MACROD2: variants seen among roughly 807,000 people sequenced by gnomAD.
MACROD2 encodes the protein mono-ADP ribosylhydrolase 2.
MACROD2 carries 36 observed loss-of-function variants against 70.4 expected under a neutral mutation model. That is an observed-to-expected ratio of 0.51 (90% CI 0.39 to 0.68). The LOEUF (loss-of-function observed/expected upper bound fraction) is 0.68, where lower values mean the gene tolerates loss of function less well. Ranked by LOEUF, MACROD2 falls within the 30% of genes least tolerant of loss-of-function variation. MACROD2 has a pLI of 0.00. For synonymous variants in MACROD2, 172 were observed against 178.8 expected (o/e 0.96, Z 0.30); for missense variants, 496 against 538.4 (o/e 0.92, Z 0.78).
chr20:15,073,702 G>A (rs977081337), intron 5 of MACROD2, among the ~76,000 whole-genome samples: 4 of 152,098 alleles, frequency 2.6e-5, no homozygotes, highest in Non-Finnish European at 4.4e-5. Context: ...CATTCAACAG[G>A]ACTGAAACAA....
chr20:14,001,161 G>T (rs898953974), intron 1 of MACROD2, among the ~76,000 whole-genome samples: 1 of 152,180 alleles, frequency 6.6e-6, no homozygotes, highest in Middle Eastern at 3.4e-3. Context: ...TTTAATTTTG[G>T]CTCACTTCCT....
intron 3 of MACROD2, among the ~76,000 whole-genome samples, chr20:14,212,761 A>G (rs1008859561): frequency 1.3e-5 from 2 of 151,302 alleles, no homozygotes; most frequent in Non-Finnish European, 2.9e-5. Flanking sequence ...AGTAAATATA[A>G]ATTATCTAGT....
At chr20:15,844,240 G>A (rs1013572970) in intron 8 of MACROD2, among the ~76,000 whole-genome samples, 3 of 152,028 alleles carry the variant, frequency 2.0e-5, no homozygotes, top group Non-Finnish European at 4.4e-5. Context: ...GAGCAGGTCT[G>A]CCAAGAGTTA....
At chr20:15,934,691 T>A (rs904568335) in intron 11 of MACROD2, among the ~76,000 whole-genome samples, 2 of 149,514 alleles carry the variant, frequency 1.3e-5, no homozygotes, top group South Asian at 4.2e-4. Flanking sequence ...TTTTTGTTTT[T>A]TGTTTTGTTT....
chr20:15,788,651 G>C (rs1014668485), intron 8 of MACROD2, among the ~76,000 whole-genome samples: 1 of 152,126 alleles, frequency 6.6e-6, no homozygotes, highest in Non-Finnish European at 1.5e-5. Context: ...TGAAGGAAAA[G>C]ATATGCATTA....
chr20:15,117,034 G>C (rs2123236796), intron 5 of MACROD2, among the ~76,000 whole-genome samples: 1 of 152,108 alleles, frequency 6.6e-6, no homozygotes, highest in East Asian at 1.9e-4. Flanking sequence ...TTGTAATTAA[G>C]GTATTTTTCA....
At position 16,044,649 on chromosome 20, in the gene MACROD2, CCCTTGTG is replaced by C. The variant is rs1177826182; in HGVS notation, c.1300+11_1300+17del. ...GAAGATCAACTAATAGGTAAGATGC[CCCTTGTG>C]GTGAGATTTTCAATGATCAACCAGC... On this transcript the variant is annotated intron_variant, in intron 17 of 17. Coordinates refer to ENST00000684519, the MANE Select transcript of MACROD2 (RefSeq NM_001351661.2). 5.6e-6 allele frequency: 9 copies of C among 1,606,890 alleles called. No homozygotes were observed. The African/African-American group carries it at 8.0e-5, about 14-fold the overall frequency.
intron 8 of MACROD2, among the ~76,000 whole-genome samples, chr20:15,659,856 C>G (rs2049793912): frequency 6.6e-6 from 1 of 152,114 alleles, no homozygotes; most frequent in African/African-American, 2.4e-5. Context: ...TGAGGGAGGC[C>G]TTCCTTAACT....
At chr20:15,625,903 C>CAAAAAAAAAAAA (rs11290779) in intron 8 of MACROD2, among the ~76,000 whole-genome samples, 1 of 75,642 alleles carries the variant, frequency 1.3e-5, no homozygotes, top group Non-Finnish European at 2.4e-5. Context: ...TCCTTGGCCA[C>CAAAAAAAAAAAA]AAAAAAAAAA....
chr20:14,326,143 G>T lies in MACROD2; in HGVS notation c.272-167336G>T. The stretch of plus-strand genomic sequence containing the variant: ...CTCACTGCGTTCCCCTGTTACAATT[G>T]TTTCTGTTATAGATCCAAATGCCGG... On this transcript the variant is annotated intron_variant, in intron 3 of 17. Coordinates refer to ENST00000684519, the MANE Select transcript of MACROD2 (RefSeq NM_001351661.2). This position sits in a 1 kb window ranked among gnomAD's most constrained non-coding sequence, Gnocchi z 5.5. 1.9e-6 allele frequency: 3 copies of T among 1,613,860 alleles called. No individual in the cohort carries two copies. Among genetic ancestry groups the T allele is most frequent in the Non-Finnish European group, 2.5e-6 (3 of 1,179,878 alleles).
rs2147632017 is a variant in MACROD2, at chr20:16,050,077, T to C, written c.*201T>C. The C allele has an allele frequency of 6.0e-6, 3 of 502,780 alleles. No homozygotes were observed. Among genetic ancestry groups the C allele is most frequent in the Middle Eastern group, 5.6e-4 (1 of 1,782 alleles). 31.1% of individuals were successfully genotyped at this position (502,780 alleles called of 1,614,324 possible). A position where few individuals can be genotyped will look rare whatever the true frequency, so the allele number is the denominator to read the frequency against. On this transcript the variant is annotated 3_prime_UTR_variant, in exon 18 of 18. Coordinates refer to ENST00000684519, the MANE Select transcript of MACROD2 (RefSeq NM_001351661.2). ...AAAAAAAAGAAAAAAAAAGTTTCCT[T>C]TAATTTGGTGGAGGGACCCATGTTG...
intron 8 of MACROD2, among the ~76,000 whole-genome samples, chr20:15,846,139 T>C (rs1322936907): frequency 6.6e-6 from 1 of 152,200 alleles, no homozygotes; most frequent in Non-Finnish European, 1.5e-5. Context: ...GGTAGAATTG[T>C]AAAATATGGA....
chr20:15,423,288 G>T (rs549037010), intron 6 of MACROD2, among the ~76,000 whole-genome samples: 1 of 152,146 alleles, frequency 6.6e-6, no homozygotes, highest in African/African-American at 2.4e-5. Flanking sequence ...TACATGAGGC[G>T]TGTTCTTATG....
At chr20:14,372,615 CA>C (rs2083335710) in intron 3 of MACROD2, among the ~76,000 whole-genome samples, 1 of 152,054 alleles carries the variant, frequency 6.6e-6, no homozygotes, top group Non-Finnish European at 1.5e-5. Flanking sequence ...TTTTCTGATT[CA>C]ATTCCTCTCA....
chr20:14,955,143 T>C (rs2074521958), intron 5 of MACROD2, among the ~76,000 whole-genome samples: 1 of 102,368 alleles, frequency 9.8e-6, no homozygotes, highest in South Asian at 4.1e-4. Flanking sequence ...ATTTATAAAT[T>C]ATATTATATG....
At chr20:14,241,885 C>A (rs1401183372) in intron 3 of MACROD2, among the ~76,000 whole-genome samples, 1 of 152,100 alleles carries the variant, frequency 6.6e-6, no homozygotes, top group Non-Finnish European at 1.5e-5. Context: ...ATGGAGACCA[C>A]CCAATTGGTT....
intron 4 of MACROD2, among the ~76,000 whole-genome samples, chr20:14,638,946 T>C (rs898432479): frequency 4.0e-4 from 57 of 140,960 alleles, no homozygotes; most frequent in African/African-American, 1.7e-3. Context: ...CAAGACTATG[T>C]CTCAAAAAAA....
chr20:14,246,762 A>G (rs1761900119), intron 3 of MACROD2, among the ~76,000 whole-genome samples: 1 of 152,196 alleles, frequency 6.6e-6, no homozygotes, highest in South Asian at 2.1e-4. Flanking sequence ...TTAAAATATA[A>G]CAAACTTCTT....
At position 14,683,149 on chromosome 20, in the gene MACROD2, G is replaced by A. The variant is rs550576870; in HGVS notation, c.302-1694G>A. Among the ~76,000 whole-genome samples the A allele has an allele frequency of 2.1e-4, 32 of 152,210 alleles. No homozygotes were observed. The South Asian group carries it at 3.5e-3, about 17-fold the overall frequency. On this transcript the variant is annotated intron_variant, in intron 4 of 17. Transcript: ENST00000684519. ...CCGCCTCAGCCTCCTAAAGTGCTGG[G>A]ATTACAGGCATGAGCCACTGTGCCC...
Sources: allele counts gnomAD v4.1 joint callset (sites outside exome capture counted in the v4.1 genomes callset), GRCh38; gene constraint gnomAD v4.1.1; non-coding constraint Gnocchi (gnomAD v3.1); transcripts MANE v1.5; gene names NCBI Gene and HGNC (gene_info 2026-07-23, HGNC 2026-07-21).